EMP2: variants seen among roughly 807,000 people sequenced by gnomAD.
EMP2 encodes the protein epithelial membrane protein 2.
In EMP2, 19 loss-of-function variants were observed where a neutral mutation model predicts 13.7. The observed-to-expected ratio is 1.38, with a 90% CI of 0.97 to 2.03. The LOEUF (loss-of-function observed/expected upper bound fraction) is 2.03, where lower values mean the gene tolerates loss of function less well. EMP2 is among the 30% of genes most tolerant of loss of function. The pLI is 0.00. For missense variants in EMP2, 253 were observed against 220.7 expected (o/e 1.15, Z -0.93); for synonymous variants, 97 against 84.7 (o/e 1.15, Z -0.80).
chr16:10,543,951 T>C (rs1400211432), intron 2 of EMP2, among the ~76,000 whole-genome samples: 1 of 152,094 alleles, frequency 6.6e-6, no homozygotes, highest in East Asian at 1.9e-4. Context: ...CCTCCATCTC[T>C]TGGGCTCGAG....
At chr16:10,549,278 A>C (rs2050763913) in intron 1 of EMP2, among the ~76,000 whole-genome samples, 1 of 152,236 alleles carries the variant, frequency 6.6e-6, no homozygotes, top group Admixed American at 6.5e-5. Context: ...CAGTTGTCCA[A>C]AGTTGATAAA....
At chr16:10,555,641 A>G (rs2050822036) in intron 1 of EMP2, among the ~76,000 whole-genome samples, 2 of 151,118 alleles carry the variant, frequency 1.3e-5, no homozygotes, top group African/African-American at 2.4e-5. Context: ...AGGCTGGAGT[A>G]CAATGGAGCG....
intron 1 of EMP2, among the ~76,000 whole-genome samples, chr16:10,568,609 G>A (rs2050925548): frequency 6.6e-6 from 1 of 152,110 alleles, no homozygotes; most frequent in African/African-American, 2.4e-5. Context: ...GGCCCTGCCA[G>A]GGTGTCACAG....
At chr16:10,566,319 A>ATT (rs2050906533) in intron 1 of EMP2, among the ~76,000 whole-genome samples, 1 of 152,234 alleles carries the variant, frequency 6.6e-6, no homozygotes, top group Admixed American at 6.5e-5. Context: ...ATAAATAGAA[A>ATT]TTAATTGTGA....
intron 1 of EMP2, among the ~76,000 whole-genome samples, chr16:10,562,351 TCTCTC>T (rs2050877564): frequency 6.9e-6 from 1 of 144,904 alleles, no homozygotes; most frequent in Non-Finnish European, 1.5e-5. Context: ...TCTCTCTCTC[TCTCTC>T]TCTCTCTCTC....
In EMP2 at chr16:10,573,152, C is replaced by T. The variant is rs552611549; in HGVS notation, c.-61+7397G>A. 1.1e-3 allele frequency among the ~76,000 whole-genome samples: 161 copies of T among 152,268 alleles called. 1 individual carries two copies. Among genetic ancestry groups the T allele is most frequent in the South Asian group, 2.5e-3 (12 of 4,814 alleles). ...GCAGCCTCAAACTCCTGGACTCAAG[C>T]GATCCTCCCACCTCAGCCTTCAGAG... On this transcript the variant is annotated intron_variant, in intron 1 of 4. Transcript: ENST00000359543.
intron 1 of EMP2, among the ~76,000 whole-genome samples, chr16:10,568,522 G>A (rs1452816249): frequency 2.6e-5 from 4 of 152,124 alleles, no homozygotes; most frequent in Non-Finnish European, 5.9e-5. Flanking sequence ...TGCTAGAGTG[G>A]CAAATCCTGT....
At chr16:10,575,234 A>ATTTTTTT (rs1261477826) in intron 1 of EMP2, among the ~76,000 whole-genome samples, 3 of 53,374 alleles carry the variant, frequency 5.6e-5, no homozygotes, top group Non-Finnish European at 7.0e-5. Context: ...TGGAGCTTGC[A>ATTTTTTT]TTCTTTTTTT....
chr16:10,571,311 G>A (rs1191882440), intron 1 of EMP2, among the ~76,000 whole-genome samples: 1 of 150,900 alleles, frequency 6.6e-6, no homozygotes, highest in Non-Finnish European at 1.5e-5. Flanking sequence ...AAAAAAGAGT[G>A]GGCTAGAGGA....
At chr16:10,541,615 C>T (rs190903573) in intron 3 of EMP2, among the ~76,000 whole-genome samples, 2 of 152,318 alleles carry the variant, frequency 1.3e-5, no homozygotes, top group Non-Finnish European at 2.9e-5. Context: ...ACACTGGCGA[C>T]AGCTGGGGCT....
intron 3 of EMP2, among the ~76,000 whole-genome samples, chr16:10,543,223 A>G (rs1217759620): frequency 2.0e-5 from 3 of 152,250 alleles, no homozygotes; most frequent in African/African-American, 7.2e-5. Context: ...ATTTAGAGGC[A>G]AGGCTTGGAT....
intron 1 of EMP2, among the ~76,000 whole-genome samples, chr16:10,578,762 C>T (rs1289288417): frequency 1.3e-5 from 2 of 152,270 alleles, no homozygotes; most frequent in African/African-American, 4.8e-5. Flanking sequence ...CTACTCGACT[C>T]CCTGGCTCCC....
At chr16:10,567,037 G>C (rs1427005639) in intron 1 of EMP2, among the ~76,000 whole-genome samples, 1 of 152,138 alleles carries the variant, frequency 6.6e-6, no homozygotes, top group Non-Finnish European at 1.5e-5. Flanking sequence ...CAACTCCTAA[G>C]TCAGCAGAGA....
At chr16:10,561,463 C>T (rs1228532464) in intron 1 of EMP2, among the ~76,000 whole-genome samples, 1 of 151,854 alleles carries the variant, frequency 6.6e-6, no homozygotes, top group East Asian at 1.9e-4. Context: ...AGAGAGAAGG[C>T]CAGGGAAGGA....
intron 1 of EMP2, chr16:10,576,508 G>GT (rs1245898957): frequency 6.6e-6 from 1 of 151,832 alleles, no homozygotes; most frequent in Non-Finnish European, 1.5e-5. Context: ...CCTGCATGGT[G>GT]ATGGCGATTT....
rs115253963 is a variant in EMP2, at chr16:10,556,847, G to T, written c.-60-9170C>A. Among the ~76,000 whole-genome samples, 1,425 of 152,200 alleles carry T rather than the reference G, an allele frequency of 9.4e-3. 27 individuals are homozygous for T. Among genetic ancestry groups the T allele is most frequent in the African/African-American group, 0.032 (1,343 of 41,512 alleles). On this transcript the variant is annotated intron_variant, in intron 1 of 4. Transcript: ENST00000359543. ...TTCCAAATACAGGGCATTTTTATAC[G>T]ACTCTCTTTCCTCTCACATGCTTAG... is the stretch of plus-strand genomic sequence containing the variant.
chr16:10,553,690 C>T (rs925304820), intron 1 of EMP2, among the ~76,000 whole-genome samples: 7 of 152,240 alleles, frequency 4.6e-5, no homozygotes, highest in African/African-American at 1.7e-4. Context: ...GCCTACGAAT[C>T]CACCTCATTC....
chr16:10,555,594 TTC>T (rs2050821543), intron 1 of EMP2, among the ~76,000 whole-genome samples: 1 of 118,710 alleles, frequency 8.4e-6, no homozygotes, highest in Non-Finnish European at 1.9e-5. Flanking sequence ...CACTTTTTTT[TTC>T]TTTTTTTTTG....
At chr16:10,553,566 G>A (rs996190062) in intron 1 of EMP2, among the ~76,000 whole-genome samples, 3 of 151,520 alleles carry the variant, frequency 2.0e-5, no homozygotes, top group Non-Finnish European at 4.4e-5. Flanking sequence ...AGGCTAGTAG[G>A]GGACAAGAGT....
Sources: allele counts gnomAD v4.1 joint callset (sites outside exome capture counted in the v4.1 genomes callset), GRCh38; gene constraint gnomAD v4.1.1; transcripts MANE v1.5; gene names NCBI Gene and HGNC (gene_info 2026-07-23, HGNC 2026-07-21).